Variants in PLEKHG4B observed in about 807,000 individuals in gnomAD.
PLEKHG4B encodes pleckstrin homology and RhoGEF domain containing G4B, also known as pleckstrin homology domain-containing family G member 4B.
In PLEKHG4B, 111 loss-of-function variants were observed where a neutral mutation model predicts 121.3. The ratio of observed to expected loss-of-function variants is 0.92; its 90% CI spans 0.78 to 1.07. PLEKHG4B has a LOEUF of 1.07. PLEKHG4B is among the 50% of genes least tolerant of loss of function. The pLI, the probability that PLEKHG4B is intolerant of heterozygous loss-of-function variation, is 0.00. For synonymous variants in PLEKHG4B, 738 were observed against 725.0 expected (o/e 1.02, Z -0.29); for missense variants, 1,831 against 1,757.8 (o/e 1.04, Z -0.74).
chr5:124,227 A>G (rs1327765260), intron 2 of PLEKHG4B, among the ~76,000 whole-genome samples: 1 of 152,048 alleles, frequency 6.6e-6, no homozygotes, highest in Non-Finnish European at 1.5e-5. Context: ...CTATCTTTTT[A>G]AGTTTACCGA....
chr5:151,581 C>A lies in PLEKHG4B; in HGVS notation c.1974C>A (p.Asp658Glu). 1 of 1,585,840 alleles carries A rather than the reference C, an allele frequency of 6.3e-7. No homozygotes were observed. Among genetic ancestry groups the A allele is most frequent in the South Asian group, 1.1e-5 (1 of 89,648 alleles). ...ATAAAGAATCTGCATTTAGGCCTGA[C>A]AAGGATGCAATAATTCAGGTAATGG... The part of the protein sequence containing the change: ...LVDKESAFRP[D>E]KDAIIQCEVV... The change falls in exon 7 of 20, where the codon GAC becomes GAA. Residue 658 changes from aspartate (D) to glutamate (E), a missense_variant. By Grantham distance (45) the Asp-to-Glu change is conservative. Coordinates refer to ENST00000637938, the MANE Select transcript of PLEKHG4B (RefSeq NM_052909.5).
At chr5:150,204 A>G (rs1352773475) in intron 6 of PLEKHG4B, among the ~76,000 whole-genome samples, 2 of 152,248 alleles carry the variant, frequency 1.3e-5, no homozygotes, top group African/African-American at 4.8e-5. Context: ...AAATTCTGAC[A>G]TATGCCACAG....
At position 175,317 on chromosome 5, in the gene PLEKHG4B, C is replaced by T. The variant is rs187463310; in HGVS notation, c.4402+1219C>T. 4.4e-3 allele frequency among the ~76,000 whole-genome samples: 665 copies of T among 151,976 alleles called. 4 individuals carry two copies. The highest frequency in any genetic ancestry group is 0.015 in the African/African-American group (626 of 41,402). ...CCCTCAATGTCCACCCTCGTTTGCT[C>T]CCCCCACCGACTTCTTCACTGAGGG... On this transcript the variant is annotated intron_variant, in intron 18 of 19. Coordinates refer to ENST00000637938, the MANE Select transcript of PLEKHG4B (RefSeq NM_052909.5).
Position 144,858 on chromosome 5 carries a change from C to T in PLEKHG4B, c.1843C>T (p.Leu615=), listed in dbSNP as rs761273749. ...KEVRDLGLVV[L]VDARRSPAAP... ...GGTCCGGGACCTGGGGCTGGTTGTC[C>T]TGGTGGATGCACGCAGGAGTCCAGC... is the stretch of plus-strand genomic sequence containing the variant. The change falls in exon 6 of 20, where the codon CTG becomes TTG. Residue 615 remains leucine (L), a synonymous_variant. Coordinates refer to ENST00000637938, the MANE Select transcript of PLEKHG4B (RefSeq NM_052909.5). 2.5e-6 allele frequency: 4 copies of T among 1,613,286 alleles called. No homozygotes were observed. Among genetic ancestry groups the T allele is most frequent in the Non-Finnish European group, 3.4e-6 (4 of 1,179,972 alleles).
At chr5:99,424 T>C (rs926218393) in intron 1 of PLEKHG4B, among the ~76,000 whole-genome samples, 6 of 151,786 alleles carry the variant, frequency 4.0e-5, no homozygotes, top group African/African-American at 1.5e-4. Flanking sequence ...TTCAGCAATG[T>C]TTTGTAGTTT....
chr5:114,974 A>T (rs1221470759), intron 2 of PLEKHG4B, among the ~76,000 whole-genome samples: 1 of 152,216 alleles, frequency 6.6e-6, no homozygotes, highest in South Asian at 2.1e-4. Flanking sequence ...ACCTCCTCTC[A>T]TGAATCTTAA....
Position 156,404 on chromosome 5 carries a change from A to G in PLEKHG4B, c.2348+194A>G, listed in dbSNP as rs1010308252. ...TACAGGCTCCAAAGATCAAGGAGCC[A>G]GCTTCTGGGGATGCTCGGCAGGAGG... On this transcript the variant is annotated intron_variant, in intron 10 of 19. Coordinates refer to ENST00000637938, the MANE Select transcript of PLEKHG4B (RefSeq NM_052909.5). This position sits in a 1 kb window ranked among gnomAD's most constrained non-coding sequence, Gnocchi z 4.4. 1.3e-5 allele frequency among the ~76,000 whole-genome samples: 2 copies of G among 151,494 alleles called. No homozygotes were observed. The highest frequency in any genetic ancestry group is 4.8e-5 in the African/African-American group (2 of 41,264).
At chr5:163,988 G>C (rs936525633) in intron 13 of PLEKHG4B, among the ~76,000 whole-genome samples, 2 of 152,242 alleles carry the variant, frequency 1.3e-5, no homozygotes, top group African/African-American at 4.8e-5. Context: ...CTCACTTGTC[G>C]AGCCTGCAAA....
At chr5:168,198 C>G (rs888596461) in intron 13 of PLEKHG4B, among the ~76,000 whole-genome samples, 2 of 152,216 alleles carry the variant, frequency 1.3e-5, no homozygotes, top group Non-Finnish European at 2.9e-5. Context: ...TCACCCCTCA[C>G]GGGAACAGTG....
At chr5:99,282 G>GA (rs1315187820) in intron 1 of PLEKHG4B, among the ~76,000 whole-genome samples, 1 of 148,508 alleles carries the variant, frequency 6.7e-6, no homozygotes, top group Non-Finnish European at 1.5e-5. Context: ...CTGCAAGAAA[G>GA]ACCGTTGCAG....
chr5:122,165 C>T (rs765061380), intron 2 of PLEKHG4B, among the ~76,000 whole-genome samples: 3 of 151,694 alleles, frequency 2.0e-5, no homozygotes, highest in Admixed American at 1.3e-4. Context: ...CAAAGAGATA[C>T]AACTAAATAT....
intron 2 of PLEKHG4B, among the ~76,000 whole-genome samples, chr5:128,900 C>T (rs1477726380): frequency 6.6e-6 from 1 of 152,206 alleles, no homozygotes; most frequent in East Asian, 1.9e-4. Flanking sequence ...GAGTTCAGGC[C>T]GTGACAGGGA....
At chr5:148,621 T>G (rs969443886) in intron 6 of PLEKHG4B, among the ~76,000 whole-genome samples, 3 of 152,208 alleles carry the variant, frequency 2.0e-5, no homozygotes, top group Non-Finnish European at 4.4e-5. Context: ...TTGGAAGACT[T>G]AATATTGTAT....
chr5:178,123 T>A (rs1168689642), intron 18 of PLEKHG4B, among the ~76,000 whole-genome samples: 1 of 152,184 alleles, frequency 6.6e-6, no homozygotes, highest in African/African-American at 2.4e-5. Context: ...TCTGGTGGGG[T>A]CCCCCTAAAG....
In PLEKHG4B at chr5:187,799, A is replaced by G. The variant is rs551010872; in HGVS notation, c.*5476A>G. 1 of 152,274 alleles carries G rather than the reference A, an allele frequency of 6.6e-6. No homozygotes were observed. Among genetic ancestry groups the G allele is most frequent in the Admixed American group, 6.5e-5 (1 of 15,288 alleles). 9.4% of individuals were successfully genotyped at this position (152,274 alleles called of 1,614,324 possible). ...CTCCCCGGCCCGCCTGTAGCTCCCA[A>G]AGGTCTCAAGCCTCAACATCCTGGT... On this transcript the variant is annotated 3_prime_UTR_variant, in exon 20 of 20. Transcript: ENST00000637938.
At chr5:123,001 GA>G (rs35501588) in intron 2 of PLEKHG4B, among the ~76,000 whole-genome samples, 13 of 151,542 alleles carry the variant, frequency 8.6e-5, no homozygotes, top group South Asian at 4.2e-4. Context: ...AGAACAATTG[GA>G]AAAAAAATCG....
Position 139,836 on chromosome 5 carries a change from C to G in PLEKHG4B, c.597C>G (p.Val199=). 2.5e-6 allele frequency: 1 copy of G among 399,060 alleles called. No individual in the cohort carries two copies. Among genetic ancestry groups the G allele is most frequent in the Non-Finnish European group, 4.4e-6 (1 of 226,372 alleles). 24.7% of individuals were successfully genotyped at this position (399,060 alleles called of 1,614,324 possible). ...RAPWSDVTDP[V]FVPSPGAILQ... is the part of the protein sequence containing the mutation. Reference sequence around the variant, plus strand: ...CGTGGAGCGACGTCACTGACCCTGTCTTTGTCCCCAGCCCTGGAGCCATCC... The same window carrying G: ...CGTGGAGCGACGTCACTGACCCTGTGTTTGTCCCCAGCCCTGGAGCCATCC... Residue 199 remains valine (V), a synonymous_variant, in exon 3 of 20, where the codon GTC becomes GTG. Coordinates refer to ENST00000637938, the MANE Select transcript of PLEKHG4B (RefSeq NM_052909.5). This position sits in a 1 kb window ranked among gnomAD's most constrained non-coding sequence, Gnocchi z 5.0.
chr5:158,212 C>T (rs1262490259), intron 11 of PLEKHG4B, among the ~76,000 whole-genome samples: 1 of 149,666 alleles, frequency 6.7e-6, no homozygotes, highest in African/African-American at 2.5e-5. Context: ...CCTGCCCATC[C>T]TGGGGGTCTC....
intron 2 of PLEKHG4B, among the ~76,000 whole-genome samples, chr5:126,922 G>A (rs1240098995): frequency 6.6e-6 from 1 of 152,172 alleles, no homozygotes; most frequent in Non-Finnish European, 1.5e-5. Flanking sequence ...CCATTTACAT[G>A]GGGCCCACAG....
Sources: allele counts gnomAD v4.1 joint callset (sites outside exome capture counted in the v4.1 genomes callset), GRCh38; gene constraint gnomAD v4.1.1; non-coding constraint Gnocchi (gnomAD v3.1); transcripts MANE v1.5; gene names NCBI Gene and HGNC (gene_info 2026-07-23, HGNC 2026-07-21).